Variants in TPH2 observed in about 807,000 individuals in gnomAD.
TPH2 encodes tryptophan 5-hydroxylase 2.
Under a neutral mutation model 59.1 loss-of-function variants are expected in TPH2, and 27 were observed. The observed-to-expected ratio is 0.46, with a 90% CI of 0.34 to 0.63. The LOEUF is 0.63. TPH2 is among the 30% of genes least tolerant of loss of function. The probability of loss-of-function intolerance (pLI) is 0.01; values close to 1 mark genes in which losing one functional copy is unlikely to be tolerated. For synonymous variants in TPH2, 220 were observed against 210.5 expected, an observed-to-expected ratio of 1.05 and a Z score of -0.39; for missense variants, 523 against 588.3, an observed-to-expected ratio of 0.89 and a Z score of 1.15.
intron 7 of TPH2, among the ~76,000 whole-genome samples, chr12:71,992,612 A>AT (rs1019605172): frequency 2.0e-5 from 3 of 152,064 alleles, no homozygotes; most frequent in Non-Finnish European, 4.4e-5. Flanking sequence ...TAAAAAAAAA[A>AT]AGTCTCTGTC....
intron 7 of TPH2, among the ~76,000 whole-genome samples, chr12:71,982,878 G>A (rs1271984827): frequency 1.3e-5 from 2 of 152,168 alleles, no homozygotes; most frequent in Non-Finnish European, 2.9e-5. Flanking sequence ...TTTCAGTCTG[G>A]TAGAATGTAT....
At chr12:71,940,855 T>A (rs925461225) in intron 1 of TPH2, among the ~76,000 whole-genome samples, 1 of 152,190 alleles carries the variant, frequency 6.6e-6, no homozygotes, top group South Asian at 2.1e-4. Flanking sequence ...TTTCTCAGAT[T>A]TTTACTGTTT....
At chr12:72,007,506 A>T (rs1223251774) in intron 8 of TPH2, among the ~76,000 whole-genome samples, 4 of 152,148 alleles carry the variant, frequency 2.6e-5, no homozygotes, top group Non-Finnish European at 5.9e-5. Context: ...AGGTGTTCGC[A>T]GTTTGGATGT....
intron 9 of TPH2, among the ~76,000 whole-genome samples, chr12:72,030,897 C>A (rs1309044824): frequency 2.6e-5 from 4 of 152,240 alleles, no homozygotes; most frequent in African/African-American, 9.6e-5. Flanking sequence ...AATTTTGGAG[C>A]ATATTTATGC....
rs559354085 is a variant in TPH2, at chr12:72,028,769, G to T, written c.1165-2489G>T. Reference sequence around the variant, plus strand: ...CCAGCAGGTAACCAGCATATCACACGCATAGCAGACTCCTGAGGGTAGGCT... The same window carrying T: ...CCAGCAGGTAACCAGCATATCACACTCATAGCAGACTCCTGAGGGTAGGCT... On this transcript the variant is annotated intron_variant, in intron 9 of 10. Coordinates refer to ENST00000333850, the MANE Select transcript of TPH2 (RefSeq NM_173353.4). Among the ~76,000 whole-genome samples the T allele has an allele frequency of 2.0e-5, 3 of 152,254 alleles. No individual in the cohort carries two copies. In the South Asian group the frequency reaches 6.2e-4, roughly 32 times the overall value.
chr12:71,958,763 T>C (rs1386494), intron 5 of TPH2, among the ~76,000 whole-genome samples: 125,999 of 152,172 alleles, frequency 0.83, 52,398 homozygotes, highest in East Asian at 0.94. Flanking sequence ...TGTGTCACTC[T>C]GGTTTTTACT....
At chr12:72,013,831 A>G (rs1204222968) in intron 8 of TPH2, among the ~76,000 whole-genome samples, 3 of 152,256 alleles carry the variant, frequency 2.0e-5, no homozygotes, top group Non-Finnish European at 1.5e-5. Context: ...ATCGCTATGG[A>G]CCAGCCCTAA....
At chr12:71,981,928 C>G (rs1194056208) in intron 7 of TPH2, among the ~76,000 whole-genome samples, 1 of 150,868 alleles carries the variant, frequency 6.6e-6, no homozygotes, top group Non-Finnish European at 1.5e-5. Context: ...TAAGAGGAGA[C>G]TAAGTCAGAG....
intron 8 of TPH2, among the ~76,000 whole-genome samples, chr12:72,012,426 G>C (rs1489424039): frequency 6.6e-6 from 1 of 152,180 alleles, no homozygotes; most frequent in Non-Finnish European, 1.5e-5. Flanking sequence ...AAAGGCCCAG[G>C]TGGAATCTGC....
chr12:71,944,874 G>GT (rs1287457555), intron 4 of TPH2, among the ~76,000 whole-genome samples, 188 bp downstream of exon 4: 1 of 152,182 alleles, frequency 6.6e-6, no homozygotes, highest in Non-Finnish European at 1.5e-5. Flanking sequence ...CGGGTTAGAA[G>GT]GATGGTATTT....
intron 4 of TPH2, among the ~76,000 whole-genome samples, chr12:71,948,905 C>G (rs1360405370): frequency 6.6e-6 from 1 of 152,188 alleles, no homozygotes; most frequent in Non-Finnish European, 1.5e-5. Flanking sequence ...TTTCACTTGA[C>G]TGAAAAATGA....
chr12:71,984,776 C>A (rs1463319927), intron 7 of TPH2, among the ~76,000 whole-genome samples: 2 of 152,124 alleles, frequency 1.3e-5, no homozygotes, highest in Non-Finnish European at 2.9e-5. Flanking sequence ...ATGGCATGTT[C>A]CCAGAAAGCC....
intron 7 of TPH2, among the ~76,000 whole-genome samples, chr12:71,989,272 A>G (rs976361648): frequency 1.1e-4 from 17 of 152,220 alleles, no homozygotes; most frequent in African/African-American, 3.6e-4. Context: ...AAGCCCTGAG[A>G]AAAAGTTGCC....
At chr12:71,962,607 AATAC>A (rs1871717416) in intron 5 of TPH2, 2 of 985,284 alleles carry the variant, frequency 2.0e-6, no homozygotes, top group Admixed American at 1.2e-4. Context: ...AGGCAAGACA[AATAC>A]ATACCTGCCA....
chr12:71,948,182 A>T (rs1407020944), intron 4 of TPH2, among the ~76,000 whole-genome samples: 4 of 151,674 alleles, frequency 2.6e-5, no homozygotes, highest in Admixed American at 6.6e-5. Context: ...TATTATTATT[A>T]TTTTTTACCA....
intron 5 of TPH2, among the ~76,000 whole-genome samples, chr12:71,967,411 C>A (rs1014185168): frequency 6.6e-6 from 1 of 152,182 alleles, no homozygotes; most frequent in Non-Finnish European, 1.5e-5. Context: ...AAGTTGACAT[C>A]CCCATGGTGA....
chr12:71,954,901 G>A (rs1026849748), intron 5 of TPH2, among the ~76,000 whole-genome samples: 4 of 151,984 alleles, frequency 2.6e-5, no homozygotes, highest in African/African-American at 9.7e-5. Context: ...GAGGCCCTGA[G>A]CTCCTACTTT....
intron 7 of TPH2, among the ~76,000 whole-genome samples, chr12:71,991,011 T>A (rs1023825014): frequency 6.6e-6 from 1 of 152,232 alleles, no homozygotes; most frequent in Non-Finnish European, 1.5e-5. Context: ...AATTTATAAT[T>A]TCTTTTATCC....
In TPH2 at chr12:71,994,564, C is replaced by T. The variant is rs760757722; in HGVS notation, c.1067C>T (p.Thr356Met). The change falls in exon 8 of 11, where the codon ACG (threonine) becomes ATG (methionine). Residue 356 changes from threonine to methionine, a missense_variant and splice_region_variant. Thr to Met is a moderately conservative substitution (Grantham distance 81). Transcript: ENST00000333850. ...ASDEDVQKLA[T>M]CYFFTIEFGL... ...GATGAAGATGTTCAGAAACTAGCCACGGTGAGTTCATTTTCAACTTAAAAC... is the reference window on the plus strand; with the variant it reads ...GATGAAGATGTTCAGAAACTAGCCATGGTGAGTTCATTTTCAACTTAAAAC... 25 of 1,613,582 alleles carry T rather than the reference C, an allele frequency of 1.5e-5. No individual in the cohort carries two copies. The highest frequency in any genetic ancestry group is 4.5e-5 in the East Asian group (2 of 44,870).
Sources: allele counts gnomAD v4.1 joint callset (sites outside exome capture counted in the v4.1 genomes callset), GRCh38; gene constraint gnomAD v4.1.1; transcripts MANE v1.5; gene names NCBI Gene and HGNC (gene_info 2026-07-23, HGNC 2026-07-21).